Variants in KCNH2 observed in about 807,000 individuals in gnomAD.
The protein encoded by KCNH2 is voltage-gated inwardly rectifying potassium channel KCNH2.
Under a neutral mutation model 95.9 loss-of-function variants are expected in KCNH2, and 35 were observed. The ratio of observed to expected loss-of-function variants is 0.37; its 90% confidence interval spans 0.28 to 0.48. The LOEUF (loss-of-function observed/expected upper bound fraction) is 0.48. Among genes scored for constraint, KCNH2 ranks in the 20% least tolerant of loss-of-function variants. The probability of loss-of-function intolerance (pLI) is 0.99; values close to 1 mark genes in which losing one functional copy is unlikely to be tolerated. For missense variants in KCNH2, 1,274 were observed against 1,702.9 expected (o/e 0.75, Z 4.43); for synonymous variants, 786 against 754.7 (o/e 1.04, Z -0.68).
At chr7:150,947,568 C>A (rs370054560) in intron 12 of KCNH2, 38 bp downstream of exon 12, 2 of 1,607,748 alleles carry the variant, frequency 1.2e-6, no homozygotes, top group Non-Finnish European at 8.5e-7. Flanking sequence ...ACCGCTGCCA[C>A]GCCCGGTCCT....
In KCNH2 at chr7:150,952,530, G is replaced by A. The variant is rs1200289613; in HGVS notation, c.1452C>T (p.Ser484=). ...TYVNANEEVV[S]HPGRIAVHYF... ...AGTGGACGGCGATGCGGCCGGGGTG[G>A]CTGACCACCTCCTCGTTGGCATTGA... The change falls in exon 6 of 15, where the codon AGC becomes AGT. Residue 484 remains serine, a synonymous_variant. Coordinates refer to ENST00000262186, the MANE Select transcript of KCNH2 (RefSeq NM_000238.4). The surrounding 1 kb of genome is among the most constrained non-coding windows in gnomAD (Gnocchi z 7.3). 6.2e-7 allele frequency: 1 copy of A among 1,614,160 alleles called. No homozygotes were observed. Among genetic ancestry groups the A allele is most frequent in the Non-Finnish European group, 8.5e-7 (1 of 1,180,024 alleles).
rs1801571416 is a variant in KCNH2 at position 150,961,710 on chromosome 7, A to C, written c.308-1974T>G. On this transcript the variant is annotated intron_variant, in intron 2 of 14. Coordinates refer to ENST00000262186, the MANE Select transcript of KCNH2 (RefSeq NM_000238.4). The surrounding 1 kb of genome is among the most constrained non-coding windows in gnomAD (Gnocchi z 6.2). ...GCTGTGAGTCAAGGTAGAAGCCGGCAACAGACACCGGCAACCTGGAGGCGA... is the reference window on the plus strand; with the variant it reads ...GCTGTGAGTCAAGGTAGAAGCCGGCCACAGACACCGGCAACCTGGAGGCGA... Among the ~76,000 whole-genome samples the C allele has an allele frequency of 6.6e-6, 1 of 152,170 alleles. No homozygotes were observed. The highest frequency in any genetic ancestry group is 1.5e-5 in the Non-Finnish European group (1 of 68,030).
chr7:150,951,755 G>A lies in KCNH2; in HGVS notation c.1638C>T (p.Gly546=), dbSNP rs759245832. Reference sequence around the variant, plus strand: ...ACATGAGCAAGAACAGCACGGCCGCGCCGTACTCTGAGTAGCGATCCAGCT... The same window carrying A: ...ACATGAGCAAGAACAGCACGGCCGCACCGTACTCTGAGTAGCGATCCAGCT... The part of the protein sequence containing the change: ...ARKLDRYSEY[G]AAVLFLLMCT... The change falls in exon 7 of 15, where the codon GGC becomes GGT. Residue 546 remains glycine, a synonymous_variant. Coordinates refer to ENST00000262186, the MANE Select transcript of KCNH2 (RefSeq NM_000238.4). 2.5e-6 allele frequency: 4 copies of A among 1,608,206 alleles called. No homozygotes were observed. Among genetic ancestry groups the A allele is most frequent in the East Asian group, 4.5e-5 (2 of 44,726 alleles).
chr7:150,972,168 C>T (rs1046735674), intron 2 of KCNH2, among the ~76,000 whole-genome samples: 1 of 152,228 alleles, frequency 6.6e-6, no homozygotes, highest in African/African-American at 2.4e-5. Flanking sequence ...TGTCTGGCTC[C>T]AGGCCCTGAC....
rs1363636593 is a variant in KCNH2, at chr7:150,947,036, A to C, written c.3171T>G (p.Ser1057Arg). 2 of 1,591,820 alleles carry C rather than the reference A, an allele frequency of 1.3e-6. No homozygotes were observed. Among genetic ancestry groups the C allele is most frequent in the Non-Finnish European group, 1.7e-6 (2 of 1,166,720 alleles). ...GCTGCAGGACAGTGGCCATGTCTGCACTCAGCCGGGTCTCCAGCCTGGGGC... is the reference window on the plus strand; with the variant it reads ...GCTGCAGGACAGTGGCCATGTCTGCCCTCAGCCGGGTCTCCAGCCTGGGGC... Reference protein sequence around the residue: ...RQLNRLETRLSADMATVLQLL... With the variant: ...RQLNRLETRLRADMATVLQLL... The change falls in exon 14 of 15, where the codon AGT becomes AGG. Residue 1057 changes from serine (S) to arginine (R), a missense_variant. This residue lies in a region of KCNH2 where 457 missense variants were observed against 416.1 expected (regional missense o/e 1.10). Coordinates refer to ENST00000262186, the MANE Select transcript of KCNH2 (RefSeq NM_000238.4).
At chr7:150,971,919 G>A (rs1801850107) in intron 2 of KCNH2, among the ~76,000 whole-genome samples, 1 of 152,028 alleles carries the variant, frequency 6.6e-6, no homozygotes, top group Admixed American at 6.5e-5. Flanking sequence ...TGGGAGCACA[G>A]GTGTGGACCC....
intron 5 of KCNH2, chr7:150,955,833 CCTT>C: frequency 9.2e-7 from 1 of 1,091,466 alleles, no homozygotes; most frequent in Non-Finnish European, 1.1e-6. Flanking sequence ...GCCGGCCCCT[CCTT>C]CTACCAGGTC....
chr7:150,974,119 G>C (rs750939097), intron 2 of KCNH2, among the ~76,000 whole-genome samples: 42 of 152,206 alleles, frequency 2.8e-4, no homozygotes, highest in Admixed American at 1.9e-3. Flanking sequence ...TGGCAGGGCG[G>C]GGCGCTCGAC....
chr7:150,970,663 A>C (rs946451229), intron 2 of KCNH2, among the ~76,000 whole-genome samples: 1 of 152,134 alleles, frequency 6.6e-6, no homozygotes, highest in Admixed American at 6.5e-5. Context: ...ACTGGCTCGG[A>C]AGCAGGGCCC....
chr7:150,948,560 T>C lies in KCNH2; in HGVS notation c.2593-17A>G. 3 of 1,605,646 alleles carry C rather than the reference T, an allele frequency of 1.9e-6. No individual in the cohort carries two copies. Among genetic ancestry groups the C allele is most frequent in the Middle Eastern group, 1.7e-4 (1 of 6,044 alleles). ...CATGTTGGTCTGGAACCAAAATCAG[T>C]ATCAGGGCCCTTTCAGTGCTCTCCT... On this transcript the variant is annotated splice_polypyrimidine_tract_variant and intron_variant, in intron 10 of 14. Coordinates refer to ENST00000262186, the MANE Select transcript of KCNH2 (RefSeq NM_000238.4).
At position 150,952,871 on chromosome 7, in the gene KCNH2, G is replaced by A. The variant is rs78794789; in HGVS notation, c.1129-18C>T. 2.7e-3 allele frequency: 4,423 copies of A among 1,610,674 alleles called. 6 individuals carry two copies. The highest frequency in any genetic ancestry group is 3.5e-3 in the Non-Finnish European group (4,093 of 1,179,740). ...GACAGGACCTGCACCCGGGGAAGGCGGAGGTGTGGGTGAGGCAGGCCATGG... is the reference window on the plus strand; with the variant it reads ...GACAGGACCTGCACCCGGGGAAGGCAGAGGTGTGGGTGAGGCAGGCCATGG... On this transcript the variant is annotated intron_variant, in intron 5 of 14. Transcript: ENST00000262186. The surrounding 1 kb of genome is among the most constrained non-coding windows in gnomAD (Gnocchi z 7.3).
At chr7:150,970,155 T>C (rs927920352) in intron 2 of KCNH2, among the ~76,000 whole-genome samples, 1 of 152,158 alleles carries the variant, frequency 6.6e-6, no homozygotes, top group African/African-American at 2.4e-5. Flanking sequence ...GGGAGGAGTT[T>C]CAGGAACGCT....
rs1283065987 is a variant in KCNH2 at position 150,952,139 on chromosome 7, C to T, written c.1557+286G>A. The stretch of plus-strand genomic sequence containing the variant: ...CTTCTAGGGCACTTTGGTGACGCTA[C>T]AAAATAATGGCCCCTTGGGATGGAC... On this transcript the variant is annotated intron_variant, in intron 6 of 14. Transcript: ENST00000262186. This position sits in a 1 kb window ranked among gnomAD's most constrained non-coding sequence, Gnocchi z 7.3. 6.6e-6 allele frequency among the ~76,000 whole-genome samples: 1 copy of T among 151,410 alleles called. No individual in the cohort carries two copies. Among genetic ancestry groups the T allele is most frequent in the Non-Finnish European group, 1.5e-5 (1 of 67,942 alleles).
In KCNH2 at chr7:150,949,059, A is replaced by G. The variant is rs1283430711; in HGVS notation, c.2399-10T>C. On this transcript the variant is annotated splice_polypyrimidine_tract_variant and intron_variant, in intron 9 of 14. Coordinates refer to ENST00000262186, the MANE Select transcript of KCNH2 (RefSeq NM_000238.4). Reference sequence around the variant, plus strand: ...AAGATGTCATTCTTCCCTGGAGGCCATGGAGAGGACAGGGAGCTCAGCCCC... The same window carrying G: ...AAGATGTCATTCTTCCCTGGAGGCCGTGGAGAGGACAGGGAGCTCAGCCCC... 5.0e-6 allele frequency: 8 copies of G among 1,613,184 alleles called. No homozygotes were observed. Among genetic ancestry groups the G allele is most frequent in the Non-Finnish European group, 6.8e-6 (8 of 1,179,382 alleles).
At position 150,950,241 on chromosome 7, in the gene KCNH2, C is replaced by T; in HGVS notation, c.2325G>A (p.Leu775=). 1 of 1,612,588 alleles carries T rather than the reference C, an allele frequency of 6.2e-7. No homozygotes were observed. The highest frequency in any genetic ancestry group is 8.5e-7 in the Non-Finnish European group (1 of 1,179,180). ...PGDTLVHAGD[L]LTALYFISRG... ...GGGAGATGAAGTACAGGGCGGTGAG[C>T]AGGTCCCCAGCATGCACCAGTGTGT... Residue 775 remains leucine (L), a synonymous_variant, in exon 9 of 15, where the codon CTG becomes CTA. Transcript: ENST00000262186.
chr7:150,977,533 ACCTGCACACTCCATCCCACATCCCTTC>A (rs1407571735), intron 1 of KCNH2, among the ~76,000 whole-genome samples: 11 of 152,106 alleles, frequency 7.2e-5, no homozygotes, highest in Admixed American at 7.2e-4. Context: ...AGTTGGGGAC[ACCTGCACACTCCATCCCACATCCCTTC>A]CCTGCACACT....
chr7:150,967,077 G>A (rs1157804733), intron 2 of KCNH2, among the ~76,000 whole-genome samples: 4 of 152,098 alleles, frequency 2.6e-5, no homozygotes, highest in Admixed American at 6.5e-5. Flanking sequence ...TCAGGAGTTC[G>A]AGACCATCCT....
chr7:150,948,219 T>C (rs1477814010), intron 11 of KCNH2, among the ~76,000 whole-genome samples: 1 of 152,128 alleles, frequency 6.6e-6, no homozygotes, highest in Non-Finnish European at 1.5e-5. Context: ...CCAAAAAGCC[T>C]AGGCTTGCCC....
chr7:150,959,542 C>T, intron 3 of KCNH2, 30 bp downstream of exon 3: 2 of 1,612,828 alleles, frequency 1.2e-6, no homozygotes, highest in Non-Finnish European at 1.7e-6. Flanking sequence ...CCACGAACCC[C>T]TGAGCCTGCC....
Sources: gnomAD v4.1 joint callset for allele counts (sites outside exome capture counted in the v4.1 genomes callset) on GRCh38, gnomAD v4.1.1 for gene constraint, gnomAD v4.1.1 regional missense constraint, Gnocchi (gnomAD v3.1) non-coding constraint, MANE v1.5 for transcripts, NCBI Gene and HGNC (gene_info 2026-07-23, HGNC 2026-07-21) for gene names.